The following IL16 variants were observed in gnomAD, a reference collection of about 807,000 sequenced individuals.
IL16 encodes interleukin 16.
IL16 carries 67 observed loss-of-function variants against 110.1 expected under a neutral mutation model. The observed-to-expected ratio is 0.61, with a 90% CI of 0.50 to 0.75. The LOEUF (loss-of-function observed/expected upper bound fraction) is 0.75. IL16 is among the 30% of genes least tolerant of loss of function. The probability of loss-of-function intolerance (pLI) is 0.00; values close to 1 mark genes in which losing one functional copy is unlikely to be tolerated. For missense variants in IL16, 1,545 were observed against 1,655.0 expected, an observed-to-expected ratio of 0.93 and a Z score of 1.15; for synonymous variants, 689 against 662.9, an observed-to-expected ratio of 1.04 and a Z score of -0.61.
At chr15:81,301,726 C>T (rs2141618122) in intron 15 of IL16, among the ~76,000 whole-genome samples, 1 of 152,306 alleles carries the variant, frequency 6.6e-6, no homozygotes, top group East Asian at 1.9e-4. Flanking sequence ...AGTAGATTGA[C>T]TTCTTGCATC....
At position 81,313,515 on chromosome 15, in the gene IL16, C is replaced by T. The variant is rs1250771599; in HGVS notation, c.*4717C>T. On this transcript the variant is annotated 3_prime_UTR_variant, in exon 19 of 19. Transcript: ENST00000683961. The stretch of plus-strand genomic sequence containing the variant: ...GTGGAAATGGCCATGATACAGTGAT[C>T]GCGTCTCATCCCTTGCTGTGCCCTC... 1.2e-5 allele frequency: 13 copies of T among 1,056,146 alleles called. No homozygotes were observed. Among genetic ancestry groups the T allele is most frequent in the African/African-American group, 6.6e-5 (4 of 60,610 alleles). The allele number at this position is 1,056,146 out of a possible 1,614,324, so 65.4% of individuals were successfully genotyped here.
chr15:81,287,118 A>G (rs1320792630), intron 10 of IL16, among the ~76,000 whole-genome samples: 1 of 152,222 alleles, frequency 6.6e-6, no homozygotes, highest in African/African-American at 2.4e-5. Flanking sequence ...GACAAACCAT[A>G]TCAGGCAACA....
At chr15:81,199,803 A>G (rs981681196) in intron 1 of IL16, among the ~76,000 whole-genome samples, 1 of 152,212 alleles carries the variant, frequency 6.6e-6, no homozygotes, top group Admixed American at 6.5e-5. Context: ...GCAGTCTGGC[A>G]TCGGCATATG....
intron 8 of IL16, 84 bp downstream of exon 8, chr15:81,279,858 C>A: frequency 8.6e-7 from 1 of 1,160,020 alleles, no homozygotes; most frequent in South Asian, 1.3e-5. Context: ...GGAATCAGTC[C>A]AGAGGTAGGG....
intron 1 of IL16, among the ~76,000 whole-genome samples, chr15:81,202,820 A>C (rs938759828): frequency 6.6e-5 from 10 of 152,316 alleles, no homozygotes; most frequent in African/African-American, 2.2e-4. Flanking sequence ...CATGATTTAT[A>C]ATCTTTTGGG....
At chr15:81,261,985 G>A (rs1199434185) in intron 3 of IL16, among the ~76,000 whole-genome samples, 1 of 152,124 alleles carries the variant, frequency 6.6e-6, no homozygotes, top group East Asian at 1.9e-4. Flanking sequence ...AGGATCCCTT[G>A]AGCCTGGGAG....
upstream of IL16, among the ~76,000 whole-genome samples, chr15:81,194,679 T>A (rs1895552679): frequency 6.6e-6 from 1 of 152,164 alleles, no homozygotes; most frequent in Admixed American, 6.5e-5. Flanking sequence ...GTTGAACAGA[T>A]TTCTCAGTTC....
intron 16 of IL16, among the ~76,000 whole-genome samples, chr15:81,304,608 AT>A (rs2141631902): frequency 1.3e-5 from 2 of 152,276 alleles, no homozygotes; most frequent in South Asian, 4.1e-4. Context: ...TGTTGTCTAA[AT>A]TCATCCTACC....
chr15:81,196,467 AT>A (rs1342193823), upstream of IL16, among the ~76,000 whole-genome samples: 1 of 151,594 alleles, frequency 6.6e-6, no homozygotes, highest in East Asian at 1.9e-4. Flanking sequence ...CTTGTCTTGA[AT>A]CCCCCGGCTC....
chr15:81,313,565 G>T lies in IL16; in HGVS notation c.*4767G>T. 1.8e-6 allele frequency: 1 copy of T among 553,156 alleles called. No individual in the cohort carries two copies. Among genetic ancestry groups the T allele is most frequent in the Non-Finnish European group, 2.8e-6 (1 of 355,124 alleles). 34.3% of individuals were successfully genotyped at this position (553,156 alleles called of 1,614,324 possible). On this transcript the variant is annotated 3_prime_UTR_variant, in exon 19 of 19. Coordinates refer to ENST00000683961, the MANE Select transcript of IL16 (RefSeq NM_172217.5). ...CCACCCAGGAGTCCTCTCTGGACCT[G>T]CTGATTTTCAGGATGGAAACCCATC... is the stretch of plus-strand genomic sequence containing the variant.
intron 1 of IL16, among the ~76,000 whole-genome samples, chr15:81,221,689 A>C (rs1200983845): frequency 2.0e-5 from 3 of 151,962 alleles, no homozygotes; most frequent in Non-Finnish European, 4.4e-5. Flanking sequence ...CCTTTAAAAA[A>C]AAAAATCCAT....
intron 1 of IL16, among the ~76,000 whole-genome samples, chr15:81,219,845 A>G (rs1179300673): frequency 6.6e-6 from 1 of 152,112 alleles, no homozygotes; most frequent in East Asian, 1.9e-4. Flanking sequence ...GGGCCTCTGA[A>G]ACACTCATCT....
At chr15:81,186,642 T>C (rs1895423839) in intron 1 of IL16, among the ~76,000 whole-genome samples, 1 of 152,242 alleles carries the variant, frequency 6.6e-6, no homozygotes, top group African/African-American at 2.4e-5. Context: ...TTCAATTTTA[T>C]GTTTTCCAAA....
chr15:81,226,866 A>G (rs992873809), intron 2 of IL16, among the ~76,000 whole-genome samples: 1 of 152,192 alleles, frequency 6.6e-6, no homozygotes, highest in Non-Finnish European at 1.5e-5. Context: ...AGTCAAATTT[A>G]TTAGTGACAT....
At chr15:81,261,972 A>T (rs1474694089) in intron 3 of IL16, among the ~76,000 whole-genome samples, 1 of 152,172 alleles carries the variant, frequency 6.6e-6, no homozygotes, top group Non-Finnish European at 1.5e-5. Flanking sequence ...CCCAGCTGGT[A>T]GGAGGATCCC....
rs369646049 is a variant in IL16 at position 81,292,589 on chromosome 15, G to A, written c.1454G>A (p.Arg485Gln). ...AGGCTGGAAAGCAGTTGGCACGGGC[G>A]GCCCACCTTGGAGAAGGAACGAGAG... ...VKRLESSWHG[R>Q]PTLEKEREKN... Residue 485 changes from arginine to glutamine, a missense_variant, in exon 12 of 19, where the codon CGG becomes CAG. Arg to Gln is a conservative substitution (Grantham distance 43, BLOSUM62 1). Around this residue, in one of 3 missense-constraint regions of IL16, gnomAD observed 1,185 missense variants for 1,238.8 expected, o/e 0.96. Coordinates refer to ENST00000683961, the MANE Select transcript of IL16 (RefSeq NM_172217.5). 3.7e-6 allele frequency: 6 copies of A among 1,605,420 alleles called. No individual in the cohort carries two copies. The highest frequency in any genetic ancestry group is 3.3e-5 in the Admixed American group (2 of 59,756).
intron 9 of IL16, among the ~76,000 whole-genome samples, chr15:81,285,071 G>A (rs534841026): frequency 6.6e-6 from 1 of 151,334 alleles, no homozygotes; most frequent in African/African-American, 2.4e-5. Flanking sequence ...GTGACCCCGT[G>A]TTTCCTACCT....
chr15:81,241,267 C>G (rs1054188687), intron 2 of IL16, among the ~76,000 whole-genome samples: 2 of 151,736 alleles, frequency 1.3e-5, no homozygotes, highest in African/African-American at 4.8e-5. Context: ...TTTAGATATA[C>G]TTATTTATTT....
rs540247243 is a variant in IL16, at chr15:81,222,771, C to T, written c.-101-2528C>T. ...ACACACACACACACACACACACACA[C>T]ATACCCACACACATCTTTCCCTGTG... On this transcript the variant is annotated intron_variant, in intron 1 of 18. Coordinates refer to ENST00000683961, the MANE Select transcript of IL16 (RefSeq NM_172217.5). 2.6e-3 allele frequency among the ~76,000 whole-genome samples: 392 copies of T among 151,358 alleles called. 2 individuals are homozygous for T. The highest frequency in any genetic ancestry group is 4.7e-3 in the Non-Finnish European group (317 of 67,936).
Sources: gnomAD v4.1 joint callset for allele counts (sites outside exome capture counted in the v4.1 genomes callset) on GRCh38, gnomAD v4.1.1 for gene constraint, gnomAD v4.1.1 regional missense constraint, MANE v1.5 for transcripts, NCBI Gene and HGNC (gene_info 2026-07-23, HGNC 2026-07-21) for gene names.